The following SFI1 variants were observed in gnomAD, a reference collection of about 807,000 sequenced individuals.
The protein encoded by SFI1 is protein SFI1 homolog.
In SFI1, 195 loss-of-function variants were observed where a neutral mutation model predicts 207.5. The observed-to-expected ratio is 0.94, with a 90% CI of 0.84 to 1.06. SFI1 has a LOEUF of 1.06. SFI1 is among the 50% of genes least tolerant of loss of function. The probability of loss-of-function intolerance (pLI) is 0.00; values close to 1 mark genes in which losing one functional copy is unlikely to be tolerated. For missense variants in SFI1, 1,634 were observed against 1,588.0 expected, an observed-to-expected ratio of 1.03 and a Z score of -0.49; for synonymous variants, 630 against 598.9, an observed-to-expected ratio of 1.05 and a Z score of -0.76.
chr22:31,542,118 AAAG>A (rs1381450496), intron 4 of SFI1, among the ~76,000 whole-genome samples: 2 of 150,320 alleles, frequency 1.3e-5, no homozygotes, highest in African/African-American at 4.9e-5. Context: ...AAAAAAAAAA[AAAG>A]AAATGTACAG....
intron 2 of SFI1, among the ~76,000 whole-genome samples, chr22:31,511,197 G>C (rs1199105022): frequency 2.0e-5 from 3 of 152,066 alleles, no homozygotes; most frequent in African/African-American, 7.2e-5. Flanking sequence ...GAATTTGGTT[G>C]ATCCAGCAAG....
At chr22:31,527,152 C>A (rs1009927451) in intron 2 of SFI1, among the ~76,000 whole-genome samples, 2 of 152,184 alleles carry the variant, frequency 1.3e-5, no homozygotes, top group African/African-American at 4.8e-5. Flanking sequence ...CCGCCTCGGC[C>A]TCTCAAAGTG....
In SFI1 at chr22:31,528,696, T is replaced by C. The variant is rs2058175094; in HGVS notation, c.99T>C (p.Phe33=). 1.2e-6 allele frequency: 2 copies of C among 1,613,160 alleles called. No individual in the cohort carries two copies. Among genetic ancestry groups the C allele is most frequent in the African/African-American group, 2.7e-5 (2 of 74,900 alleles). The change falls in exon 3 of 33, where the codon TTT becomes TTC. Residue 33 remains phenylalanine, a synonymous_variant. Coordinates refer to ENST00000400288, the MANE Select transcript of SFI1 (RefSeq NM_001007467.3). ...TTTCGTCCTCAAATTTAAGGTATTT[T>C]AAGGATGGTGCAGTTAAGAAACCTT... ...RMEKKVDSRY[F]KDGAVKKPYS... is the part of the protein sequence containing the mutation.
rs1025032490 is a variant in SFI1, at chr22:31,591,222, G to A, written c.1544+1645G>A. On this transcript the variant is annotated intron_variant, in intron 15 of 32. Coordinates refer to ENST00000400288, the MANE Select transcript of SFI1 (RefSeq NM_001007467.3). ...TGTTTAACAAAGCACATCTTGCACC[G>A]CCCTTGATCCATTTAACTCTGAGTG... Among the ~76,000 whole-genome samples, 8 of 152,242 alleles carry A rather than the reference G, an allele frequency of 5.3e-5. No individual in the cohort carries two copies. The East Asian group carries it at 5.8e-4, about 11-fold the overall frequency.
chr22:31,532,471 C>T (rs796987509), intron 4 of SFI1, among the ~76,000 whole-genome samples: 29 of 152,224 alleles, frequency 1.9e-4, no homozygotes, highest in African/African-American at 6.5e-4. Flanking sequence ...GAATTGGCAG[C>T]CTTTGAGAAT....
intron 6 of SFI1, 28 bp from the exon 7 acceptor site, chr22:31,556,914 T>C (rs1464341571): frequency 6.5e-7 from 1 of 1,526,900 alleles, no homozygotes; most frequent in East Asian, 2.3e-5. Flanking sequence ...TCCCCATGCC[T>C]TTTGAAAAAT....
chr22:31,503,023 G>A (rs1032245129), intron 1 of SFI1, among the ~76,000 whole-genome samples: 5 of 131,508 alleles, frequency 3.8e-5, no homozygotes, highest in African/African-American at 1.5e-4. Flanking sequence ...CCACTGCACT[G>A]CAGCCTGGGC....
chr22:31,528,548 G>A (rs1569222595), intron 2 of SFI1, 142 bp from the exon 3 acceptor site: 3 of 748,740 alleles, frequency 4.0e-6, no homozygotes, highest in East Asian at 5.4e-5. Context: ...TGTCAGATTG[G>A]GCTGCTTATT....
intron 4 of SFI1, among the ~76,000 whole-genome samples, chr22:31,541,878 G>T (rs915372451): frequency 6.6e-6 from 1 of 151,758 alleles, no homozygotes; most frequent in African/African-American, 2.4e-5. Flanking sequence ...CGAGGTGGGC[G>T]GATCACGAGG....
intron 5 of SFI1, among the ~76,000 whole-genome samples, chr22:31,547,420 A>G (rs1271234948): frequency 2.0e-5 from 3 of 151,822 alleles, no homozygotes; most frequent in African/African-American, 7.3e-5. Context: ...AAGCGATTCT[A>G]CTGCCTCAGT....
intron 14 of SFI1, among the ~76,000 whole-genome samples, chr22:31,585,694 G>T (rs528511094): frequency 6.6e-6 from 1 of 152,236 alleles, no homozygotes; most frequent in African/African-American, 2.4e-5. Flanking sequence ...GCTCTCCCAG[G>T]GCTCATACTT....
chr22:31,549,759 A>G (rs1369161791), intron 5 of SFI1, among the ~76,000 whole-genome samples: 2 of 151,018 alleles, frequency 1.3e-5, no homozygotes, highest in Non-Finnish European at 2.9e-5. Context: ...ATAGAGAATG[A>G]CTCTTCTTCA....
intron 4 of SFI1, among the ~76,000 whole-genome samples, chr22:31,542,940 G>A (rs1569261468): frequency 6.7e-6 from 1 of 149,774 alleles, no homozygotes; most frequent in Non-Finnish European, 1.5e-5. Flanking sequence ...GGGATTACAC[G>A]TGTGAGCCAC....
At chr22:31,560,028 A>G in intron 7 of SFI1, 1 of 290,020 alleles carries the variant, frequency 3.4e-6, no homozygotes. Flanking sequence ...TTGGTACTGT[A>G]TTGATGCTGG....
Position 31,613,321 on chromosome 22 carries a change from A to T in SFI1, c.2566-33A>T, listed in dbSNP as rs374767260. 23 of 1,602,884 alleles carry T rather than the reference A, an allele frequency of 1.4e-5. No individual in the cohort carries two copies. The Admixed American group carries it at 3.9e-4, about 27-fold the overall frequency. ...GTCTGTGGGGGAGCTCTAAGCAGGG[A>T]GACCTGGGCCTCACCTCCTGCCCTC... On this transcript the variant is annotated intron_variant, in intron 25 of 32. Coordinates refer to ENST00000400288, the MANE Select transcript of SFI1 (RefSeq NM_001007467.3).
chr22:31,603,871 CTG>C lies in SFI1; in HGVS notation c.1881+58_1881+59del, dbSNP rs571645555. On this transcript the variant is annotated intron_variant, in intron 18 of 32. Coordinates refer to ENST00000400288, the MANE Select transcript of SFI1 (RefSeq NM_001007467.3). ...CGTGTATGACTTTTGGACAGGTGGG[CTG>C]TGTGTCAGCAGGACTCACAGGCAAC... 1.2e-4 allele frequency: 178 copies of C among 1,526,202 alleles called. 1 individual carries two copies. In the South Asian group the frequency reaches 1.9e-3, roughly 16 times the overall value. The allele number at this position is 1,526,202 out of a possible 1,614,324, so 94.5% of individuals were successfully genotyped here.
intron 15 of SFI1, among the ~76,000 whole-genome samples, chr22:31,601,854 G>T (rs573077900): frequency 6.6e-6 from 1 of 151,514 alleles, no homozygotes; most frequent in African/African-American, 2.4e-5. Context: ...GTGGAGTGGC[G>T]TGATCATAGT....
At chr22:31,584,141 C>T (rs1030984080) in intron 13 of SFI1, among the ~76,000 whole-genome samples, 169 bp downstream of exon 13, 4 of 152,118 alleles carry the variant, frequency 2.6e-5, no homozygotes, top group Non-Finnish European at 5.9e-5. Flanking sequence ...GGGTTTTTGG[C>T]TGATCAGATG....
At chr22:31,608,135 C>T in intron 22 of SFI1, 102 bp downstream of exon 22, 5 of 851,452 alleles carry the variant, frequency 5.9e-6, no homozygotes, top group Admixed American at 2.2e-5. Flanking sequence ...CTCATACATG[C>T]CAGTTCCCTG....
Sources: gnomAD v4.1 joint callset for allele counts (sites outside exome capture counted in the v4.1 genomes callset) on GRCh38, gnomAD v4.1.1 for gene constraint, MANE v1.5 for transcripts, NCBI Gene and HGNC (gene_info 2026-07-23, HGNC 2026-07-21) for gene names.